The following NELL2 variants were observed in gnomAD, a reference collection of about 807,000 sequenced individuals.
NELL2 encodes neural EGFL like 2, also known as protein kinase C-binding protein NELL2.
NELL2 carries 41 observed loss-of-function variants against 109.6 expected under a neutral mutation model. That is an observed-to-expected ratio of 0.37 (90% CI 0.29 to 0.49). NELL2 has a LOEUF of 0.49. NELL2 is among the 20% of genes least tolerant of loss of function. NELL2 has a pLI of 0.98. For synonymous variants in NELL2, 355 were observed against 344.7 expected, an observed-to-expected ratio of 1.03 and a Z score of -0.33; for missense variants, 900 against 1,008.3, an observed-to-expected ratio of 0.89 and a Z score of 1.45.
intron 13 of NELL2, among the ~76,000 whole-genome samples, chr12:44,634,421 T>C (rs940248308): frequency 4.0e-5 from 6 of 151,234 alleles, no homozygotes; most frequent in African/African-American, 1.5e-4. Flanking sequence ...GAACATGTGG[T>C]GTTTGGTTTT....
At chr12:44,715,098 A>G (rs976918469) in intron 9 of NELL2, among the ~76,000 whole-genome samples, 4 of 151,916 alleles carry the variant, frequency 2.6e-5, no homozygotes, top group African/African-American at 9.7e-5. Flanking sequence ...ATCAGGGGTA[A>G]TATGAGACTC....
chr12:44,534,126 A>G (rs997210668), intron 15 of NELL2, among the ~76,000 whole-genome samples: 1 of 152,064 alleles, frequency 6.6e-6, no homozygotes, highest in African/African-American at 2.4e-5. Flanking sequence ...CTGGAAGCAT[A>G]TATTCCTTTC....
chr12:44,731,132 C>T (rs1939347299), intron 9 of NELL2, among the ~76,000 whole-genome samples: 1 of 152,048 alleles, frequency 6.6e-6, no homozygotes, highest in Non-Finnish European at 1.5e-5. Context: ...AAGAAAAGCC[C>T]AGGACAAGAT....
intron 3 of NELL2, among the ~76,000 whole-genome samples, chr12:44,803,298 G>C (rs1188220086): frequency 3.3e-5 from 5 of 152,036 alleles, no homozygotes; most frequent in African/African-American, 1.2e-4. Context: ...GGGCCAAGAA[G>C]AAAGAGTTTA....
intron 13 of NELL2, among the ~76,000 whole-genome samples, chr12:44,639,889 T>A (rs1410791939): frequency 6.6e-6 from 1 of 152,058 alleles, no homozygotes; most frequent in Non-Finnish European, 1.5e-5. Flanking sequence ...CCACCCTACA[T>A]CTTCATTCTC....
At chr12:44,678,335 C>T (rs1359327293) in intron 12 of NELL2, among the ~76,000 whole-genome samples, 2 of 152,014 alleles carry the variant, frequency 1.3e-5, no homozygotes, top group Admixed American at 6.6e-5. Context: ...AGCACTCATG[C>T]AAAAATTCAA....
At chr12:44,858,257 G>A (rs1190115108) in intron 2 of NELL2, among the ~76,000 whole-genome samples, 2 of 152,162 alleles carry the variant, frequency 1.3e-5, no homozygotes, top group East Asian at 1.9e-4. Flanking sequence ...CCCAGGCCGT[G>A]CTCCTAAATG....
chr12:44,544,652 C>T (rs745603808), intron 15 of NELL2, among the ~76,000 whole-genome samples: 2 of 151,852 alleles, frequency 1.3e-5, no homozygotes, highest in African/African-American at 2.4e-5. Flanking sequence ...TTCTTTGACA[C>T]ACATAAAATA....
In NELL2 at chr12:44,711,283, A is replaced by C; in HGVS notation, c.1189+9T>G. On this transcript the variant is annotated intron_variant, in intron 11 of 19. Transcript: ENST00000429094. ...TGCACGTAAACCTTACTTTTCAAAA[A>C]AGTCTTACCTTTACAAACTTTGCAA... 1 of 1,605,898 alleles carries C rather than the reference A, an allele frequency of 6.2e-7. No individual in the cohort carries two copies.
chr12:44,823,290 A>G (rs1004705757), intron 2 of NELL2, among the ~76,000 whole-genome samples: 3 of 152,190 alleles, frequency 2.0e-5, no homozygotes, highest in African/African-American at 4.8e-5. Flanking sequence ...TCAAGTATAC[A>G]ATACAGTGTT....
intron 19 of NELL2, among the ~76,000 whole-genome samples, chr12:44,516,642 T>C (rs948672082): frequency 1.3e-5 from 2 of 152,192 alleles, no homozygotes; most frequent in Non-Finnish European, 2.9e-5. Context: ...TGCAGATTTA[T>C]TTATGGGGGA....
rs1264777156 is a variant in NELL2, at chr12:44,737,590, A to G, written c.995-22849T>C. ...CTCTGTAATAATCCCCCCATGGTAA[A>G]TACATAAGTCCAGCTCTCAGAGTAT... On this transcript the variant is annotated intron_variant, in intron 9 of 19. Coordinates refer to ENST00000429094, the MANE Select transcript of NELL2 (RefSeq NM_001145108.2). Among the ~76,000 whole-genome samples, 5 of 152,222 alleles carry G rather than the reference A, an allele frequency of 3.3e-5. No individual in the cohort carries two copies. The South Asian group carries it at 6.2e-4, about 19-fold the overall frequency.
chr12:44,867,919 A>G lies in NELL2; in HGVS notation c.184+7306T>C, dbSNP rs187200022. Among the ~76,000 whole-genome samples, 11 of 152,240 alleles carry G rather than the reference A, an allele frequency of 7.2e-5. No homozygotes were observed. The East Asian group carries it at 2.1e-3, about 29-fold the overall frequency. ...CCAATCACTTGAGGTGAGGAGTTCAAGACTGGCCTGGCCAACATGGTGAAA... is the reference window on the plus strand; with the variant it reads ...CCAATCACTTGAGGTGAGGAGTTCAGGACTGGCCTGGCCAACATGGTGAAA... On this transcript the variant is annotated intron_variant, in intron 2 of 19. Coordinates refer to ENST00000429094, the MANE Select transcript of NELL2 (RefSeq NM_001145108.2).
At chr12:44,800,473 G>A (rs1033953966) in intron 3 of NELL2, among the ~76,000 whole-genome samples, 1 of 152,092 alleles carries the variant, frequency 6.6e-6, no homozygotes. Flanking sequence ...GACTGCAATT[G>A]CACGCTTTCA....
chr12:44,626,364 C>T (rs957836801), intron 13 of NELL2, among the ~76,000 whole-genome samples: 4 of 152,258 alleles, frequency 2.6e-5, no homozygotes, highest in South Asian at 4.1e-4. Flanking sequence ...TCTTGAGATG[C>T]TATTAATTCA....
rs1938404692 is a variant in NELL2, at chr12:44,714,864, G to A, written c.995-123C>T. 5 of 489,402 alleles carry A rather than the reference G, an allele frequency of 1.0e-5. No homozygotes were observed. In the South Asian group the frequency reaches 2.0e-4, roughly 19 times the overall value. The allele number at this position is 489,402 out of a possible 1,614,324, so 30.3% of individuals were successfully genotyped here. On this transcript the variant is annotated intron_variant, in intron 9 of 19. Transcript: ENST00000429094. ...TTTTTTCAACATGTATGACTAACCA[G>A]AAACCTCAATTCAATCTACTGCAAG...
At chr12:44,860,510 C>T (rs973144017) in intron 2 of NELL2, among the ~76,000 whole-genome samples, 1 of 152,138 alleles carries the variant, frequency 6.6e-6, no homozygotes, top group Non-Finnish European at 1.5e-5. Flanking sequence ...TAAGAGAAAA[C>T]TTGTTTTCTT....
rs553437972 is a variant in NELL2 at position 44,849,425 on chromosome 12, T to C, written c.184+25800A>G. Among the ~76,000 whole-genome samples the C allele has an allele frequency of 9.2e-5, 14 of 152,294 alleles. No individual in the cohort carries two copies. The South Asian group carries it at 2.7e-3, about 29-fold the overall frequency. On this transcript the variant is annotated intron_variant, in intron 2 of 19. Transcript: ENST00000429094. ...TATATAATGATCAGTGAATACATCA[T>C]GAGATATCAGGGAAATACAAATTAA... is the stretch of plus-strand genomic sequence containing the variant.
At chr12:44,568,004 T>C (rs1393985290) in intron 15 of NELL2, among the ~76,000 whole-genome samples, 1 of 151,858 alleles carries the variant, frequency 6.6e-6, no homozygotes, top group Non-Finnish European at 1.5e-5. Flanking sequence ...ATCACACTAA[T>C]CAAAAAATAA....
Sources: allele counts gnomAD v4.1 joint callset (sites outside exome capture counted in the v4.1 genomes callset), GRCh38; gene constraint gnomAD v4.1.1; transcripts MANE v1.5; gene names NCBI Gene and HGNC (gene_info 2026-07-23, HGNC 2026-07-21).